Variants in SLC8A1 observed in about 807,000 individuals in gnomAD.
SLC8A1 encodes the protein solute carrier family 8 member A1.
Under a neutral mutation model 68.3 loss-of-function variants are expected in SLC8A1, and 18 were observed. The observed-to-expected ratio is 0.26, with a 90% confidence interval of 0.18 to 0.39. The LOEUF (loss-of-function observed/expected upper bound fraction) is 0.39. SLC8A1 is among the 10% of genes least tolerant of loss of function. The pLI is 1.00. For missense variants in SLC8A1, 985 were observed against 1,156.7 expected (o/e 0.85, Z 2.15); for synonymous variants, 475 against 415.5 (o/e 1.14, Z -1.74).
At chr2:40,351,054 T>C (rs898688811) in intron 2 of SLC8A1, among the ~76,000 whole-genome samples, 1 of 152,178 alleles carries the variant, frequency 6.6e-6, no homozygotes, top group African/African-American at 2.4e-5. Flanking sequence ...TTCTAAGTAA[T>C]ATCTAATAAA....
At chr2:40,436,291 C>G (rs1699403882) in intron 1 of SLC8A1, among the ~76,000 whole-genome samples, 1 of 152,112 alleles carries the variant, frequency 6.6e-6, no homozygotes, top group Admixed American at 6.5e-5. Context: ...GCTGATTCAC[C>G]AAATCTCCAG....
intron 2 of SLC8A1, among the ~76,000 whole-genome samples, chr2:40,239,475 T>G (rs1322457382): frequency 6.6e-6 from 1 of 152,180 alleles, no homozygotes; most frequent in African/African-American, 2.4e-5. Context: ...GCATTACAGA[T>G]TAGGGAACCA....
At chr2:40,429,169 A>C (rs530675800) in exon 2 of SLC8A1, 1 of 1,613,508 alleles carries the variant, frequency 6.2e-7, no homozygotes, top group East Asian at 2.2e-5. Context: ...TCCAGTCATG[A>C]GGCGAGTAGC....
chr2:40,448,283 G>C (rs1482601303), intron 1 of SLC8A1, among the ~76,000 whole-genome samples: 1 of 152,068 alleles, frequency 6.6e-6, no homozygotes, highest in Non-Finnish European at 1.5e-5. Flanking sequence ...AGGCCAGGGA[G>C]AGAAAGAGAG....
chr2:40,236,325 T>G (rs2148929033), intron 2 of SLC8A1, among the ~76,000 whole-genome samples: 1 of 152,248 alleles, frequency 6.6e-6, no homozygotes, highest in East Asian at 1.9e-4. Context: ...TAGCTCTTCT[T>G]GTTGAATTGA....
intron 1 of SLC8A1, among the ~76,000 whole-genome samples, chr2:40,461,107 A>T (rs960473837): frequency 6.6e-6 from 1 of 152,196 alleles, no homozygotes; most frequent in African/African-American, 2.4e-5. Context: ...TCTTTTAAAA[A>T]AGTACTGAGT....
At chr2:40,232,216 C>T (rs2059743837) in intron 2 of SLC8A1, among the ~76,000 whole-genome samples, 2 of 152,084 alleles carry the variant, frequency 1.3e-5, no homozygotes, top group South Asian at 2.1e-4. Context: ...CATTTGTGCT[C>T]TACCTTCTTT....
intron 2 of SLC8A1, among the ~76,000 whole-genome samples, chr2:40,377,707 G>A (rs746489838): frequency 2.6e-5 from 4 of 152,082 alleles, no homozygotes; most frequent in Non-Finnish European, 4.4e-5. Context: ...ACATCACCGA[G>A]TATGAGTGGG....
At chr2:40,484,282 G>A (rs530284022) in intron 1 of SLC8A1, among the ~76,000 whole-genome samples, 1 of 152,116 alleles carries the variant, frequency 6.6e-6, no homozygotes, top group African/African-American at 2.4e-5. Flanking sequence ...CCAGCTAACT[G>A]CAGTGATGAT....
chr2:40,309,320 C>G (rs10490052), intron 2 of SLC8A1, among the ~76,000 whole-genome samples: 13,370 of 152,038 alleles, frequency 0.088, 885 homozygotes, highest in African/African-American at 0.19. Flanking sequence ...CTACAGTAAT[C>G]ATCATAGCTT....
chr2:40,152,514 T>C (rs2043623980), intron 6 of SLC8A1, among the ~76,000 whole-genome samples: 1 of 151,978 alleles, frequency 6.6e-6, no homozygotes, highest in Non-Finnish European at 1.5e-5. Context: ...AAGTGATTCT[T>C]GTGCTTCAGC....
chr2:40,505,589 A>G (rs567525846), intron 1 of SLC8A1, among the ~76,000 whole-genome samples: 1 of 152,036 alleles, frequency 6.6e-6, no homozygotes, highest in Non-Finnish European at 1.5e-5. Flanking sequence ...AAATGTGTGC[A>G]TGCATACACA....
chr2:40,500,080 C>G (rs1341742886), intron 1 of SLC8A1, among the ~76,000 whole-genome samples: 1 of 151,994 alleles, frequency 6.6e-6, no homozygotes, highest in East Asian at 1.9e-4. Context: ...AACAATTCAT[C>G]ATCTTGTACA....
At chr2:40,464,987 C>G (rs1703573934) in intron 1 of SLC8A1, among the ~76,000 whole-genome samples, 1 of 152,098 alleles carries the variant, frequency 6.6e-6, no homozygotes, top group African/African-American at 2.4e-5. Context: ...CCTCTCCCAC[C>G]CCCAGCTGTG....
chr2:40,373,067 A>G (rs112261480), intron 2 of SLC8A1, among the ~76,000 whole-genome samples: 3,824 of 152,246 alleles, frequency 0.025, 63 homozygotes, highest in Non-Finnish European at 0.037. Flanking sequence ...CTAGCCATAA[A>G]TTGAAGAAAG....
At chr2:40,452,858 T>G (rs962705872), upstream of SLC8A1, among the ~76,000 whole-genome samples, 2 of 151,722 alleles carry the variant, frequency 1.3e-5, no homozygotes, top group African/African-American at 4.8e-5. Context: ...AGACCCAGAG[T>G]CTGTTTCGTG....
At chr2:40,477,171 A>G (rs992098820) in intron 1 of SLC8A1, among the ~76,000 whole-genome samples, 1 of 152,240 alleles carries the variant, frequency 6.6e-6, no homozygotes, top group Non-Finnish European at 1.5e-5. Context: ...CCATTAAATA[A>G]TAAATTTCCT....
At chr2:40,165,608 T>A (rs2046415544) in intron 4 of SLC8A1, among the ~76,000 whole-genome samples, 1 of 152,168 alleles carries the variant, frequency 6.6e-6, no homozygotes, top group Non-Finnish European at 1.5e-5. Flanking sequence ...AAGCCAAAAT[T>A]TGTTAGGAAA....
At chr2:40,217,073 C>T (rs1274504879) in intron 2 of SLC8A1, among the ~76,000 whole-genome samples, 3 of 151,848 alleles carry the variant, frequency 2.0e-5, no homozygotes, top group African/African-American at 7.3e-5. Context: ...AGTCTTTGCC[C>T]ATGCCTAGAT....
Sources: allele counts gnomAD v4.1 joint callset (sites outside exome capture counted in the v4.1 genomes callset), GRCh38; gene constraint gnomAD v4.1.1; transcripts MANE v1.5; gene names NCBI Gene and HGNC (gene_info 2026-07-23, HGNC 2026-07-21).